The following ERICH1 variants were observed in gnomAD, a reference collection of about 807,000 sequenced individuals.
ERICH1 encodes glutamate rich 1.
ERICH1 carries 56 observed loss-of-function variants against 39.6 expected under a neutral mutation model. The ratio of observed to expected loss-of-function variants is 1.41; its 90% CI spans 1.14 to 1.77. The LOEUF is 1.77. Ranked by LOEUF, ERICH1 falls within the 40% of genes most tolerant of loss-of-function variation. ERICH1 has a pLI of 0.00. For missense variants in ERICH1, 826 were observed against 575.4 expected (o/e 1.44, Z -4.45); for synonymous variants, 313 against 223.6 (o/e 1.40, Z -3.57).
At chr8:635,623 T>C (rs1384208212) in intron 3 of ERICH1, among the ~76,000 whole-genome samples, 1 of 152,198 alleles carries the variant, frequency 6.6e-6, no homozygotes, top group Non-Finnish European at 1.5e-5. Context: ...CTGCGGGATG[T>C]GTCCAGGGAC....
intron 3 of ERICH1, among the ~76,000 whole-genome samples, chr8:628,579 C>T (rs959678206): frequency 6.6e-6 from 1 of 152,220 alleles, no homozygotes; most frequent in African/African-American, 2.4e-5. Flanking sequence ...TCCCTGGTGC[C>T]TTCTGGAACT....
At chr8:712,479 G>C (rs1814971406) in intron 2 of ERICH1, among the ~76,000 whole-genome samples, 1 of 152,176 alleles carries the variant, frequency 6.6e-6, no homozygotes, top group Admixed American at 6.5e-5. Context: ...GCCCAGGCTG[G>C]AGTGCAGTGA....
chr8:643,481 A>C (rs1233973118), intron 3 of ERICH1, among the ~76,000 whole-genome samples: 1 of 152,000 alleles, frequency 6.6e-6, no homozygotes, highest in Non-Finnish European at 1.5e-5. Context: ...TGTCACGGTG[A>C]TGGGGGGCAC....
At chr8:654,540 G>A (rs1317920031) in intron 3 of ERICH1, among the ~76,000 whole-genome samples, 1 of 152,120 alleles carries the variant, frequency 6.6e-6, no homozygotes, top group Non-Finnish European at 1.5e-5. Flanking sequence ...CTATATGTAT[G>A]CCATACATCA....
At chr8:625,676 C>T (rs1011878476) in intron 3 of ERICH1, 1 of 152,222 alleles carries the variant, frequency 6.6e-6, no homozygotes, top group East Asian at 1.9e-4. Context: ...GGAACTCACA[C>T]ATCTTCTTTA....
intron 3 of ERICH1, chr8:625,594 A>G (rs1340438641): frequency 6.6e-6 from 1 of 152,278 alleles, no homozygotes; most frequent in Non-Finnish European, 1.5e-5. Context: ...CTGTTGAATT[A>G]CACACTTTAA....
chr8:666,011 T>C (rs1326538594), intron 5 of ERICH1: 1 of 152,188 alleles, frequency 6.6e-6, no homozygotes, highest in Admixed American at 6.5e-5. Context: ...TGTAAAATTT[T>C]ATTTCATAAA....
chr8:651,618 CAGAG>C (rs1285981771), intron 3 of ERICH1, among the ~76,000 whole-genome samples: 1 of 150,620 alleles, frequency 6.6e-6, no homozygotes, highest in African/African-American at 2.4e-5. Context: ...ACAGGTAAGC[CAGAG>C]AGAGAGCTGG....
At chr8:698,178 T>C (rs13256605) in intron 2 of ERICH1, among the ~76,000 whole-genome samples, 31,670 of 151,698 alleles carry the variant, frequency 0.21, 3,843 homozygotes, top group Middle Eastern at 0.37. Context: ...TAATGCATCC[T>C]GTAAACTACC....
intron 5 of ERICH1, among the ~76,000 whole-genome samples, chr8:665,694 T>G (rs1802108544): frequency 6.6e-6 from 1 of 152,194 alleles, no homozygotes; most frequent in Non-Finnish European, 1.5e-5. Context: ...AAAGAGTACG[T>G]GTAATAAAAC....
In ERICH1 at chr8:621,685, G is replaced by A. The variant is rs568446369; in HGVS notation, c.977-6401C>T. On this transcript the variant is annotated intron_variant, in intron 3 of 3. Coordinates refer to the ERICH1 transcript ENST00000522706. The stretch of plus-strand genomic sequence containing the variant: ...AGTTCTTTGAAAAGACTGACAAAAC[G>A]ACAATCCTTTAGAAAGACTACGAAA... Among the ~76,000 whole-genome samples the A allele has an allele frequency of 8.4e-4, 127 of 152,020 alleles. 1 individual carries two copies. Among genetic ancestry groups the A allele is most frequent in the African/African-American group, 3.0e-3 (124 of 41,496 alleles).
intron 1 of ERICH1, among the ~76,000 whole-genome samples, chr8:716,475 C>T (rs1816030964): frequency 6.6e-6 from 1 of 152,232 alleles, no homozygotes; most frequent in African/African-American, 2.4e-5. Flanking sequence ...AGGCACCACC[C>T]CGCGCCCTCT....
At chr8:623,861 G>A (rs188143789) in intron 3 of ERICH1, among the ~76,000 whole-genome samples, 5 of 152,216 alleles carry the variant, frequency 3.3e-5, no homozygotes, top group Admixed American at 2.6e-4. Flanking sequence ...TCTTAGATAT[G>A]AACCAAAAGC....
chr8:730,391 A>T (rs1819702495), intron 1 of ERICH1, among the ~76,000 whole-genome samples: 1 of 152,250 alleles, frequency 6.6e-6, no homozygotes, highest in South Asian at 2.1e-4. Flanking sequence ...TATCAGTTTT[A>T]AACATAGAGA....
intron 3 of ERICH1, among the ~76,000 whole-genome samples, chr8:645,149 G>A (rs1799411484): frequency 1.5e-5 from 1 of 68,638 alleles, no homozygotes; most frequent in African/African-American, 3.7e-5. Context: ...GGGGAGGTGG[G>A]TGCGGCTCTC....
intron 3 of ERICH1, among the ~76,000 whole-genome samples, chr8:654,262 C>A (rs11136970): frequency 0.73 from 110,625 of 152,180 alleles, 41,266 homozygotes; most frequent in East Asian, 0.9. Flanking sequence ...GCAACGTAAC[C>A]GTTCACAAAT....
intron 3 of ERICH1, among the ~76,000 whole-genome samples, chr8:643,595 C>A (rs1265414601): frequency 1.3e-5 from 2 of 151,696 alleles, no homozygotes; most frequent in Admixed American, 6.6e-5. Context: ...TTGAAGAAAA[C>A]CACATTCCCG....
rs377643530 is a variant in ERICH1, at chr8:626,967, G to A, written c.977-11683C>T. The A allele has an allele frequency of 6.3e-4, 241 of 382,862 alleles. 2 individuals carry two copies. The highest frequency in any genetic ancestry group is 3.1e-3 in the South Asian group (164 of 53,686). 23.7% of individuals were successfully genotyped at this position (382,862 alleles called of 1,614,324 possible). ...CTGGAACCCCAACCCGAGCTGTGCC[G>A]TGGAGGAGGAAAGCACAGCTTGGCC... is the stretch of plus-strand genomic sequence containing the variant. On this transcript the variant is annotated intron_variant, in intron 3 of 3. Transcript: ENST00000522706.
intron 2 of ERICH1, 131 bp downstream of exon 2, chr8:715,730 C>T (rs1815784848): frequency 7.8e-7 from 1 of 1,282,698 alleles, no homozygotes. Context: ...GCCCTGCCCA[C>T]CTGCTGCAGG....
Sources: gnomAD v4.1 joint callset for allele counts (sites outside exome capture counted in the v4.1 genomes callset) on GRCh38, gnomAD v4.1.1 for gene constraint, MANE v1.5 for transcripts, NCBI Gene and HGNC (gene_info 2026-07-23, HGNC 2026-07-21) for gene names.